The following GSE1 variants were observed in gnomAD, a reference collection of about 807,000 sequenced individuals.
GSE1 encodes genetic suppressor element 1.
GSE1 carries 32 observed loss-of-function variants against 112.6 expected under a neutral mutation model. That is an observed-to-expected ratio of 0.28 (90% CI 0.21 to 0.38). The LOEUF is 0.38. GSE1 is among the 10% of genes least tolerant of loss of function. The probability of loss-of-function intolerance (pLI) is 1.00; values close to 1 mark genes in which losing one functional copy is unlikely to be tolerated. For missense variants in GSE1, 2,348 were observed against 1,699.2 expected, an observed-to-expected ratio of 1.38 and a Z score of -6.71; for synonymous variants, 1,115 against 735.6, an observed-to-expected ratio of 1.52 and a Z score of -8.35.
intron 1 of GSE1, among the ~76,000 whole-genome samples, chr16:85,230,947 G>A (rs903952842): frequency 2.0e-5 from 3 of 151,598 alleles, no homozygotes; most frequent in Non-Finnish European, 4.4e-5. Context: ...ATGGACAGAC[G>A]GATGGATGGA....
rs764695500 is a variant in GSE1 at position 85,657,578 on chromosome 16, A to T, written c.1614A>T (p.Ala538=). 6.4e-7 allele frequency: 1 copy of T among 1,564,446 alleles called. No individual in the cohort carries two copies. ...GCCGGCCCCCGGTGCCGGCGGAGGCAGAGCACAGGCCGGAGAGCACCACCA... is the reference window on the plus strand; with the variant it reads ...GCCGGCCCCCGGTGCCGGCGGAGGCTGAGCACAGGCCGGAGAGCACCACCA... ...DMGRPPVPAE[A]EHRPESTTRP... The change falls in exon 8 of 16, where the codon GCA becomes GCT. Residue 538 remains alanine, a synonymous_variant. Coordinates refer to ENST00000253458, the MANE Select transcript of GSE1 (RefSeq NM_014615.5).
intron 2 of GSE1, among the ~76,000 whole-genome samples, chr16:85,519,894 G>A (rs1421390542): frequency 1.3e-5 from 2 of 152,184 alleles, no homozygotes; most frequent in Admixed American, 6.5e-5. Flanking sequence ...CCCGGCTGGG[G>A]GTAAGGAGAA....
At chr16:85,588,671 G>T (rs1035560349) in intron 1 of GSE1, among the ~76,000 whole-genome samples, 1 of 152,194 alleles carries the variant, frequency 6.6e-6, no homozygotes, top group African/African-American at 2.4e-5. Context: ...TGTATTTCCC[G>T]ACTTGGCGGG....
intron 1 of GSE1, among the ~76,000 whole-genome samples, chr16:85,294,671 C>A (rs1224049272): frequency 7.3e-6 from 1 of 137,492 alleles, no homozygotes; most frequent in African/African-American, 2.8e-5. Flanking sequence ...CTCTCTCTCT[C>A]CCCCCCCTTC....
intron 2 of GSE1, among the ~76,000 whole-genome samples, chr16:85,365,618 G>C (rs191431157): frequency 8.5e-5 from 13 of 152,316 alleles, no homozygotes; most frequent in African/African-American, 3.1e-4. Flanking sequence ...GTAAGGGTGC[G>C]TCCATGTGCA....
intron 2 of GSE1, among the ~76,000 whole-genome samples, chr16:85,475,866 G>A (rs886351423): frequency 6.1e-5 from 9 of 148,332 alleles, no homozygotes; most frequent in East Asian, 4.0e-4. Flanking sequence ...TCAAGTGATC[G>A]TTCCACCTCA....
At chr16:85,408,683 G>C (rs74854550) in intron 2 of GSE1, among the ~76,000 whole-genome samples, 2 of 54,558 alleles carry the variant, frequency 3.7e-5, no homozygotes, top group African/African-American at 1.0e-4. Context: ...TACACTCAGG[G>C]CCCCCCGGAT....
At chr16:85,402,168 C>T (rs1036971098) in intron 2 of GSE1, among the ~76,000 whole-genome samples, 23 of 152,166 alleles carry the variant, frequency 1.5e-4, no homozygotes, top group Non-Finnish European at 2.8e-4. Context: ...GGGTGCCCTG[C>T]GATGTCTGGG....
At chr16:85,332,028 A>G (rs9630645) in intron 1 of GSE1, among the ~76,000 whole-genome samples, 14,498 of 152,088 alleles carry the variant, frequency 0.095, 861 homozygotes, top group African/African-American at 0.16. Context: ...CTCAAAGTAG[A>G]GGCTCTGGGG....
chr16:85,202,087 G>A (rs896659706), intron 1 of GSE1, among the ~76,000 whole-genome samples: 1 of 152,270 alleles, frequency 6.6e-6, no homozygotes, highest in Non-Finnish European at 1.5e-5. Context: ...GCTGGCGGAA[G>A]GTGGTGGGGC....
chr16:85,478,923 CTTTCTCTT>C lies in GSE1; in HGVS notation c.2464+121282_2464+121289del, dbSNP rs1397194874. ...TCTTTCTTTCTTTCTTTCTTTCTTTCTTTCTCTTTCTTTCTTTCTTTCTTTTTTTTTCT... is the reference window on the plus strand; with the variant it reads ...TCTTTCTTTCTTTCTTTCTTTCTTTCTCTTTCTTTCTTTCTTTTTTTTTCT... On this transcript the variant is annotated intron_variant, in intron 2 of 2. Coordinates refer to the GSE1 transcript ENST00000637419. Among the ~76,000 whole-genome samples the C allele has an allele frequency of 6.9e-3, 260 of 37,578 alleles. 6 individuals are homozygous for C. Among genetic ancestry groups the C allele is most frequent in the African/African-American group, 0.014 (89 of 6,432 alleles). The allele number at this position is 37,578 out of a possible 152,430, so 24.7% of individuals were successfully genotyped here.
intron 2 of GSE1, among the ~76,000 whole-genome samples, chr16:85,533,519 A>G (rs2044207430): frequency 6.6e-6 from 1 of 152,128 alleles, no homozygotes; most frequent in African/African-American, 2.4e-5. Context: ...ACTCAAATAA[A>G]TATGCATATG....
At position 85,376,985 on chromosome 16, in the gene GSE1, A is replaced by C. The variant is rs142650852; in HGVS notation, c.2464+19342A>C. On this transcript the variant is annotated intron_variant, in intron 2 of 2. Coordinates refer to the GSE1 transcript ENST00000637419. ...TGCAGTCGCGGGTGGCCGTTTGGCC[A>C]GAGTTGCCCAGTGTGAGTGACCCAG... Among the ~76,000 whole-genome samples, 1,093 of 152,374 alleles carry C rather than the reference A, an allele frequency of 7.2e-3. 8 individuals carry two copies. Among genetic ancestry groups the C allele is most frequent in the African/African-American group, 0.025 (1,042 of 41,586 alleles).
intron 2 of GSE1, among the ~76,000 whole-genome samples, chr16:85,528,700 A>G (rs1210719127): frequency 6.6e-6 from 1 of 150,940 alleles, no homozygotes; most frequent in Non-Finnish European, 1.5e-5. Context: ...GGTGGTCAGG[A>G]AGGGCCTTCT....
At chr16:85,500,896 C>T (rs998405048) in intron 2 of GSE1, among the ~76,000 whole-genome samples, 9 of 151,946 alleles carry the variant, frequency 5.9e-5, no homozygotes, top group African/African-American at 1.7e-4. Context: ...TCTGTCAGCA[C>T]GTGGCTGTCT....
At chr16:85,236,267 T>G (rs1597868505) in intron 1 of GSE1, among the ~76,000 whole-genome samples, 1 of 152,224 alleles carries the variant, frequency 6.6e-6, no homozygotes, top group South Asian at 2.1e-4. Flanking sequence ...GCACCTTGGC[T>G]GGCCCCCGTG....
chr16:85,571,045 GT>G (rs1342897487), intron 1 of GSE1, among the ~76,000 whole-genome samples: 1 of 152,194 alleles, frequency 6.6e-6, no homozygotes, highest in Non-Finnish European at 1.5e-5. Flanking sequence ...GAGGAGAGTG[GT>G]TTTTATCTCA....
At chr16:85,458,839 TG>T (rs1438988384) in intron 2 of GSE1, among the ~76,000 whole-genome samples, 2 of 152,156 alleles carry the variant, frequency 1.3e-5, no homozygotes, top group Admixed American at 6.5e-5. Flanking sequence ...TCAGGGAGCC[TG>T]GGGCCTCCTC....
At chr16:85,217,017 CAG>C (rs940142135) in intron 1 of GSE1, among the ~76,000 whole-genome samples, 1 of 152,218 alleles carries the variant, frequency 6.6e-6, no homozygotes, top group Non-Finnish European at 1.5e-5. Flanking sequence ...GTGGTTGACA[CAG>C]GGCCGTAGAG....
Sources: allele counts gnomAD v4.1 joint callset (sites outside exome capture counted in the v4.1 genomes callset), GRCh38; gene constraint gnomAD v4.1.1; transcripts MANE v1.5; gene names NCBI Gene and HGNC (gene_info 2026-07-23, HGNC 2026-07-21).